The following NCOA6 variants were observed in gnomAD, a reference collection of about 807,000 sequenced individuals.
NCOA6 encodes the protein NRC RAP250.
NCOA6 carries 49 observed loss-of-function variants against 171.4 expected under a neutral mutation model. The observed-to-expected ratio is 0.29, with a 90% CI of 0.23 to 0.36. The LOEUF (loss-of-function observed/expected upper bound fraction) is 0.36, where lower values mean the gene tolerates loss of function less well. NCOA6 is among the 10% of genes least tolerant of loss of function. NCOA6 has a pLI of 1.00. For synonymous variants in NCOA6, 910 were observed against 927.5 expected (o/e 0.98, Z 0.34); for missense variants, 2,248 against 2,554.5 (o/e 0.88, Z 2.59).
At chr20:34,783,186 CAGG>C (rs2077561605) in intron 2 of NCOA6, among the ~76,000 whole-genome samples, 1 of 151,840 alleles carries the variant, frequency 6.6e-6, no homozygotes, top group African/African-American at 2.4e-5. Flanking sequence ...GAGGCTGAGG[CAGG>C]AGAATTGCTT....
At chr20:34,750,869 C>G (rs763168804) in intron 8 of NCOA6, among the ~76,000 whole-genome samples, 15 of 152,092 alleles carry the variant, frequency 9.9e-5, no homozygotes, top group Non-Finnish European at 1.5e-4. Context: ...TTGTAGTGGC[C>G]AGGCTCGGGT....
intron 4 of NCOA6, among the ~76,000 whole-genome samples, chr20:34,769,759 G>A (rs532573926): frequency 6.6e-6 from 1 of 152,280 alleles, no homozygotes; most frequent in South Asian, 2.1e-4. Flanking sequence ...TCTAAACTTA[G>A]AGGCAACTTA....
intron 2 of NCOA6, among the ~76,000 whole-genome samples, chr20:34,788,988 T>C (rs2077777284): frequency 6.6e-6 from 1 of 152,308 alleles, no homozygotes; most frequent in Admixed American, 6.5e-5. Flanking sequence ...GTTGATGTTT[T>C]GCCTTGGTGT....
intron 5 of NCOA6, 73 bp from the exon 6 acceptor site, chr20:34,759,006 A>G: frequency 6.1e-6 from 9 of 1,475,252 alleles, no homozygotes; most frequent in Non-Finnish European, 8.4e-6. Context: ...TATTTCAAGA[A>G]TATGAAAAGA....
intron 13 of NCOA6, among the ~76,000 whole-genome samples, 165 bp downstream of exon 13, chr20:34,732,394 G>A (rs2075813997): frequency 6.6e-6 from 1 of 152,160 alleles, no homozygotes; most frequent in Non-Finnish European, 1.5e-5. Context: ...TACCTCTGAG[G>A]GATTAGGACT....
chr20:34,729,879 T>C (rs1295598788), intron 13 of NCOA6, among the ~76,000 whole-genome samples: 2 of 152,078 alleles, frequency 1.3e-5, no homozygotes, highest in Non-Finnish European at 2.9e-5. Context: ...CATAGCTTTA[T>C]GTATAACAGC....
intron 3 of NCOA6, 102 bp from the exon 4 acceptor site, chr20:34,776,550 C>T: frequency 7.4e-7 from 1 of 1,342,954 alleles, no homozygotes; most frequent in Non-Finnish European, 1.0e-6. Flanking sequence ...AGGTGGAGCA[C>T]CAGCTTGGAA....
At chr20:34,811,201 G>GTATATATATA (rs10700283) in intron 1 of NCOA6, among the ~76,000 whole-genome samples, 1,918 of 53,664 alleles carry the variant, frequency 0.036, 145 homozygotes, top group African/African-American at 0.04. Flanking sequence ...ACAACAACGT[G>GTATATATATA]TATATATATA....
chr20:34,764,149 G>A (rs913208164), intron 5 of NCOA6, among the ~76,000 whole-genome samples: 2 of 150,518 alleles, frequency 1.3e-5, no homozygotes, highest in African/African-American at 2.4e-5. Flanking sequence ...GTGCAGTGGC[G>A]CGATCTCGGC....
At chr20:34,747,014 T>C (rs1568761162) in intron 9 of NCOA6, 86 bp from the exon 10 acceptor site, 1 of 1,280,728 alleles carries the variant, frequency 7.8e-7, no homozygotes, top group African/African-American at 1.5e-5. Context: ...CCTTCCCCTA[T>C]TTCTGAAGAA....
At chr20:34,787,690 C>T (rs574337233) in intron 2 of NCOA6, among the ~76,000 whole-genome samples, 38 of 152,266 alleles carry the variant, frequency 2.5e-4, no homozygotes, top group Admixed American at 1.5e-3. Flanking sequence ...AGCCTTCAAG[C>T]GTTCTTGGCT....
Position 34,740,849 on chromosome 20 carries a change from A to G in NCOA6, c.5407T>C (p.Ser1803Pro). Residue 1803 changes from serine (S) to proline (P), a missense_variant, in exon 11 of 15, where the codon TCC (serine) becomes CCC (proline). By Grantham distance (74) the Ser-to-Pro change is moderately conservative. This residue lies in a region of NCOA6 where 884 missense variants were observed against 941.9 expected (regional missense o/e 0.94). Coordinates refer to ENST00000359003, the MANE Select transcript of NCOA6 (RefSeq NM_014071.5). ...ACTGGGCTTCGCCGGTTGCCAGAGG[A>G]CCCTGGACTATTGGTCAAAAGGGGA... ...VSPLLTNSPG[S>P]SGNRRSPVSS... 6.2e-7 allele frequency: 1 copy of G among 1,614,122 alleles called. No individual in the cohort carries two copies. Among genetic ancestry groups the G allele is most frequent in the Non-Finnish European group, 8.5e-7 (1 of 1,180,024 alleles).
Position 34,776,355 on chromosome 20 carries a change from ATCC to A in NCOA6, c.326_328del (p.Arg109_Ile110delinsLeu). ...CTGCTGGTTGTTGCTCTGAGCAAGG[ATCC>A]GTAGCCGCTCCGCTGCTTCCCGGGG... On this transcript the variant is annotated inframe_deletion, in exon 4 of 15. Transcript: ENST00000359003. 6.2e-7 allele frequency: 1 copy of A among 1,614,134 alleles called. No homozygotes were observed. Among genetic ancestry groups the A allele is most frequent in the Non-Finnish European group, 8.5e-7 (1 of 1,180,044 alleles).
intron 1 of NCOA6, among the ~76,000 whole-genome samples, chr20:34,795,051 G>T (rs549625511): frequency 6.6e-6 from 1 of 152,038 alleles, no homozygotes; most frequent in African/African-American, 2.4e-5. Context: ...GTTCATCCTC[G>T]GTAGAGCGGC....
At chr20:34,768,118 G>A (rs2077035047) in intron 5 of NCOA6, among the ~76,000 whole-genome samples, 1 of 152,126 alleles carries the variant, frequency 6.6e-6, no homozygotes, top group African/African-American at 2.4e-5. Context: ...AGTGGGAGTT[G>A]GAAAGCTACA....
chr20:34,810,468 A>G (rs748804228), intron 1 of NCOA6, among the ~76,000 whole-genome samples: 3 of 152,252 alleles, frequency 2.0e-5, no homozygotes, highest in Non-Finnish European at 2.9e-5. Flanking sequence ...TCCTGGGTTC[A>G]TAACTGTGCA....
In NCOA6 at chr20:34,749,594, G is replaced by C; in HGVS notation, c.2601C>G (p.Ser867=). The C allele has an allele frequency of 6.2e-7, 1 of 1,614,172 alleles. No homozygotes were observed. Among genetic ancestry groups the C allele is most frequent in the South Asian group, 1.1e-5 (1 of 91,082 alleles). Residue 867 remains serine (S), a synonymous_variant, in exon 9 of 15, where the codon TCC becomes TCG. Coordinates refer to ENST00000359003, the MANE Select transcript of NCOA6 (RefSeq NM_014071.5). ...FSGAPNGNQM[S]CGQNPGFPVN... is the part of the protein sequence containing the mutation. ...CTGGGAAGCCTGGATTTTGACCACA[G>C]GACATCTGATTTCCATTGGGAGCTC... is the stretch of plus-strand genomic sequence containing the variant.
intron 4 of NCOA6, among the ~76,000 whole-genome samples, chr20:34,773,121 T>C (rs150009943): frequency 9.4e-4 from 143 of 152,320 alleles, no homozygotes; most frequent in African/African-American, 3.2e-3. Context: ...AATCCTGCCA[T>C]GTTTACTTGT....
chr20:34,716,081 G>A (rs1169105044), intron 14 of NCOA6, among the ~76,000 whole-genome samples: 9 of 152,118 alleles, frequency 5.9e-5, no homozygotes, highest in South Asian at 2.1e-4. Flanking sequence ...CTAGCCGGGC[G>A]TGGTGGCGTG....
Sources: allele counts gnomAD v4.1 joint callset (sites outside exome capture counted in the v4.1 genomes callset), GRCh38; gene constraint gnomAD v4.1.1; regional missense constraint gnomAD v4.1.1; transcripts MANE v1.5; gene names NCBI Gene and HGNC (gene_info 2026-07-23, HGNC 2026-07-21).